The following TTC39C variants were observed in gnomAD, a reference collection of about 807,000 sequenced individuals.
TTC39C encodes tetratricopeptide repeat domain 39C, also known as tetratricopeptide repeat protein 39C.
In TTC39C, 33 loss-of-function variants were observed where a neutral mutation model predicts 76.3. The observed-to-expected ratio is 0.43, with a 90% CI of 0.33 to 0.58. The LOEUF (loss-of-function observed/expected upper bound fraction) is 0.58, where lower values mean the gene tolerates loss of function less well. Ranked by LOEUF, TTC39C falls within the 20% of genes least tolerant of loss-of-function variation. TTC39C has a pLI of 0.04. For synonymous variants in TTC39C, 254 were observed against 260.6 expected (o/e 0.97, Z 0.24); for missense variants, 595 against 701.4 (o/e 0.85, Z 1.71).
chr18:24,033,317 C>T (rs145741685), intron 1 of TTC39C, among the ~76,000 whole-genome samples: 34 of 152,310 alleles, frequency 2.2e-4, no homozygotes, highest in African/African-American at 8.2e-4. Flanking sequence ...GTAGCCTTGT[C>T]TTCCATTGCT....
intron 6 of TTC39C, among the ~76,000 whole-genome samples, chr18:24,098,930 C>T (rs1185843511): frequency 6.6e-6 from 1 of 151,712 alleles, no homozygotes; most frequent in Non-Finnish European, 1.5e-5. Context: ...CTGCGCCCAG[C>T]CCAGGCTTTC....
At chr18:24,099,792 C>T (rs1293980808) in intron 6 of TTC39C, among the ~76,000 whole-genome samples, 3 of 151,922 alleles carry the variant, frequency 2.0e-5, no homozygotes, top group Admixed American at 6.6e-5. Flanking sequence ...TTTTTAATAA[C>T]TTCCCTTATT....
chr18:24,058,164 G>T (rs1478347499), intron 1 of TTC39C, among the ~76,000 whole-genome samples: 2 of 152,192 alleles, frequency 1.3e-5, no homozygotes, highest in Non-Finnish European at 2.9e-5. Flanking sequence ...CTACTTGAGG[G>T]TGGAGGGTAG....
Position 24,125,562 on chromosome 18 carries a change from A to G in TTC39C, c.1420+12A>G. The stretch of plus-strand genomic sequence containing the variant: ...GAGGATGAGTCAAGGTAAAAAATTT[A>G]AAAAAACCCAAAACTGTCTACTGGA... On this transcript the variant is annotated intron_variant, in intron 10 of 13. Coordinates refer to ENST00000317571, the MANE Select transcript of TTC39C (RefSeq NM_001135993.2). 6.2e-7 allele frequency: 1 copy of G among 1,613,858 alleles called. No individual in the cohort carries two copies. Among genetic ancestry groups the G allele is most frequent in the Non-Finnish European group, 8.5e-7 (1 of 1,179,850 alleles).
Position 24,014,949 on chromosome 18 carries a change from C to T in TTC39C, c.78C>T (p.Pro26=). Residue 26 remains proline, a synonymous_variant, in exon 1 of 14, where the codon CCC becomes CCT. Coordinates refer to ENST00000317571, the MANE Select transcript of TTC39C (RefSeq NM_001135993.2). The stretch of plus-strand genomic sequence containing the variant: ...ACGCGGCAGCGGCGGCGGCGGCGCC[C>T]CTGCAGGACGCGGAGCTGGCCCTGG... The part of the protein sequence containing the change: ...DSDAAAAAAA[P]LQDAELALAG... 1 of 1,529,108 alleles carries T rather than the reference C, an allele frequency of 6.5e-7. No homozygotes were observed. The highest frequency in any genetic ancestry group is 8.8e-7 in the Non-Finnish European group (1 of 1,138,126). 94.7% of individuals were successfully genotyped at this position (1,529,108 alleles called of 1,614,324 possible).
At chr18:24,123,660 G>A in intron 8 of TTC39C, 174 bp from the exon 9 acceptor site, 2 of 484,464 alleles carry the variant, frequency 4.1e-6, no homozygotes, top group South Asian at 6.6e-5. Context: ...ACTCGCCTCT[G>A]CCTTCCAAAG....
At chr18:24,038,502 T>C (rs74316310) in intron 1 of TTC39C, among the ~76,000 whole-genome samples, 3 of 152,116 alleles carry the variant, frequency 2.0e-5, no homozygotes, top group African/African-American at 7.2e-5. Flanking sequence ...TGGCTAGTCT[T>C]GAACTCCTGG....
At chr18:24,087,730 G>T (rs1389754186) in intron 6 of TTC39C, among the ~76,000 whole-genome samples, 1 of 152,016 alleles carries the variant, frequency 6.6e-6, no homozygotes, top group Non-Finnish European at 1.5e-5. Context: ...GATTACAGGT[G>T]TGCACCACCA....
chr18:24,044,292 A>G (rs2083836375), intron 1 of TTC39C, among the ~76,000 whole-genome samples: 1 of 152,188 alleles, frequency 6.6e-6, no homozygotes, highest in South Asian at 2.1e-4. Context: ...GGGGTGGTTA[A>G]GGGCTTGCAC....
At position 24,061,373 on chromosome 18, in the gene TTC39C, G is replaced by A. The variant is rs551278602; in HGVS notation, c.168-2767G>A. ...CACATAGCATTCCCACTCCCCTCTT[G>A]TTTGGTCTTTGTTGGTTCCAAATAT... On this transcript the variant is annotated intron_variant, in intron 1 of 13. Coordinates refer to ENST00000317571, the MANE Select transcript of TTC39C (RefSeq NM_001135993.2). Among the ~76,000 whole-genome samples the A allele has an allele frequency of 4.0e-5, 6 of 151,828 alleles. No homozygotes were observed. The South Asian group carries it at 1.2e-3, about 32-fold the overall frequency.
chr18:24,042,425 G>T lies in TTC39C; in HGVS notation c.168-21715G>T, dbSNP rs368736196. 6.6e-4 allele frequency among the ~76,000 whole-genome samples: 101 copies of T among 152,252 alleles called. 2 individuals carry two copies. The South Asian group carries it at 0.021, about 31-fold the overall frequency. Reference sequence around the variant, plus strand: ...CCCCACGTGCACAGTTCACAGTAGGGTTCGCGTTCTTAGGAGAATCTAATA... The same window carrying T: ...CCCCACGTGCACAGTTCACAGTAGGTTTCGCGTTCTTAGGAGAATCTAATA... On this transcript the variant is annotated intron_variant, in intron 1 of 13. Transcript: ENST00000317571.
intron 1 of TTC39C, among the ~76,000 whole-genome samples, chr18:24,061,994 T>C (rs535134376): frequency 1.3e-5 from 2 of 152,330 alleles, no homozygotes; most frequent in East Asian, 3.9e-4. Context: ...CGATCGCCCG[T>C]CCTGCAGTGC....
chr18:24,032,257 A>AT (rs2083680377), intron 1 of TTC39C, among the ~76,000 whole-genome samples: 1 of 152,196 alleles, frequency 6.6e-6, no homozygotes, highest in Non-Finnish European at 1.5e-5. Flanking sequence ...GTTTATGGTA[A>AT]TTTATTACAA....
At chr18:24,076,737 AC>A (rs1036648148) in intron 4 of TTC39C, 23 of 152,238 alleles carry the variant, frequency 1.5e-4, no homozygotes, top group African/African-American at 5.5e-4. Flanking sequence ...TCAGTCAAAA[AC>A]GTTGGGTTCT....
At chr18:24,071,119 G>A (rs893221758) in intron 4 of TTC39C, among the ~76,000 whole-genome samples, 5 of 151,940 alleles carry the variant, frequency 3.3e-5, no homozygotes, top group African/African-American at 4.8e-5. Context: ...TAGTAGAGGC[G>A]GGGTTTCACT....
intron 1 of TTC39C, chr18:24,019,791 A>G: frequency 7.9e-7 from 1 of 1,273,060 alleles, no homozygotes; most frequent in Non-Finnish European, 1.1e-6. Flanking sequence ...CTACACCTGC[A>G]GAAATGAGTA....
intron 1 of TTC39C, among the ~76,000 whole-genome samples, chr18:24,005,396 TA>T (rs1806143140): frequency 6.6e-6 from 1 of 152,322 alleles, no homozygotes; most frequent in Non-Finnish European, 1.5e-5. Context: ...CATAATAAAA[TA>T]TTTTTTTTGC....
chr18:24,087,580 C>CCGGTTTTTTTT (rs2084457692), intron 6 of TTC39C, among the ~76,000 whole-genome samples: 1 of 51,198 alleles, frequency 2.0e-5, no homozygotes. Flanking sequence ...ATTTTGAGAA[C>CCGGTTTTTTTT]TGTTTTTTTT....
In TTC39C at chr18:24,101,051, T is replaced by C. The variant is rs1013793562; in HGVS notation, c.985-13503T>C. Among the ~76,000 whole-genome samples, 6 of 152,316 alleles carry C rather than the reference T, an allele frequency of 3.9e-5. No homozygotes were observed. The East Asian group carries it at 1.2e-3, about 29-fold the overall frequency. Reference sequence around the variant, plus strand: ...ATTTGACCAGGAAAATTCCTATTTATACTGTAGCCTGTGAGACTGGAAGCG... The same window carrying C: ...ATTTGACCAGGAAAATTCCTATTTACACTGTAGCCTGTGAGACTGGAAGCG... On this transcript the variant is annotated intron_variant, in intron 6 of 13. Transcript: ENST00000317571.
Sources: gnomAD v4.1 joint callset for allele counts (sites outside exome capture counted in the v4.1 genomes callset) on GRCh38, gnomAD v4.1.1 for gene constraint, MANE v1.5 for transcripts, NCBI Gene and HGNC (gene_info 2026-07-23, HGNC 2026-07-21) for gene names.